The following SLC30A7 variants were observed in gnomAD, a reference collection of about 807,000 sequenced individuals.
SLC30A7 encodes the protein zinc transporter 7.
Under a neutral mutation model 46.0 loss-of-function variants are expected in SLC30A7, and 35 were observed. The ratio of observed to expected loss-of-function variants is 0.76; its 90% confidence interval spans 0.58 to 1.01. The LOEUF (loss-of-function observed/expected upper bound fraction) is 1.01. Ranked by LOEUF, SLC30A7 falls within the 50% of genes least tolerant of loss-of-function variation. The probability of loss-of-function intolerance (pLI) is 0.00; values close to 1 mark genes in which losing one functional copy is unlikely to be tolerated. For synonymous variants in SLC30A7, 147 were observed against 157.8 expected, an observed-to-expected ratio of 0.93 and a Z score of 0.51; for missense variants, 464 against 451.1, an observed-to-expected ratio of 1.03 and a Z score of -0.26.
intron 8 of SLC30A7, chr1:100,941,695 C>G: frequency 1.6e-6 from 1 of 643,516 alleles, no homozygotes; most frequent in East Asian, 3.3e-5. Context: ...TGAGACAGCT[C>G]TCTTTGGTTC....
At chr1:100,901,964 GT>G (rs372167662) in intron 2 of SLC30A7, among the ~76,000 whole-genome samples, 1 of 650 alleles carries the variant, frequency 1.5e-3, no homozygotes, top group African/African-American at 0.016. Flanking sequence ...GAAATTTATA[GT>G]TTAAATTTAT....
intron 8 of SLC30A7, among the ~76,000 whole-genome samples, chr1:100,922,294 C>T: frequency 6.6e-6 from 1 of 151,926 alleles, no homozygotes; most frequent in South Asian, 2.1e-4. Flanking sequence ...TATATGTTTT[C>T]TGTGTTTGCC....
chr1:100,979,513 C>T lies in SLC30A7; in HGVS notation c.*4656C>T, dbSNP rs977314906. ...TAAAGCCAAATGGATGTGAGTCTGA[C>T]AAGGGTGTCTTTGATTTATATTTCC... On this transcript the variant is annotated 3_prime_UTR_variant, in exon 11 of 11. Transcript: ENST00000357650. 2.0e-5 allele frequency: 3 copies of T among 149,442 alleles called. No homozygotes were observed. Among genetic ancestry groups the T allele is most frequent in the African/African-American group, 7.4e-5 (3 of 40,480 alleles). The allele number at this position is 149,442 out of a possible 1,614,324, so 9.3% of individuals were successfully genotyped here. A position where few individuals can be genotyped will look rare whatever the true frequency, so the allele number is the denominator to read the frequency against.
rs1652943945 is a variant in SLC30A7 at position 100,921,727 on chromosome 1, C to T, written c.728C>T (p.Ala243Val). ...ILQGVFLHILADTLGSIGVIA... is the reference protein window; with the variant it reads ...ILQGVFLHILVDTLGSIGVIA... ...CTAGGTGTATTTTTACATATCCTAG[C>T]AGATACACTTGGAAGTATTGGTGTA... The change falls in exon 8 of 11, where the codon GCA (alanine) becomes GTA (valine). Residue 243 changes from alanine (A) to valine (V), a missense_variant. Ala to Val is a moderately conservative substitution (Grantham distance 64). Transcript: ENST00000357650. The T allele has an allele frequency of 2.5e-6, 4 of 1,611,580 alleles. No homozygotes were observed. The highest frequency in any genetic ancestry group is 2.2e-5 in the East Asian group (1 of 44,766).
intron 8 of SLC30A7, among the ~76,000 whole-genome samples, chr1:100,954,601 A>T (rs1221620640): frequency 1.3e-5 from 2 of 152,088 alleles, no homozygotes; most frequent in African/African-American, 4.8e-5. Context: ...TTCTAGGGGT[A>T]CCTTAGGACA....
intron 7 of SLC30A7, among the ~76,000 whole-genome samples, chr1:100,919,432 G>A (rs926997487): frequency 6.6e-6 from 1 of 151,844 alleles, no homozygotes; most frequent in Non-Finnish European, 1.5e-5. Context: ...TATAACTCTC[G>A]TTTTTTATTT....
chr1:100,934,698 G>A (rs1326781662), intron 8 of SLC30A7, among the ~76,000 whole-genome samples: 1 of 150,300 alleles, frequency 6.7e-6, no homozygotes, highest in African/African-American at 2.4e-5. Context: ...ATATATAAAT[G>A]TATGTAGGAA....
chr1:100,976,426 A>C lies in SLC30A7; in HGVS notation c.*1569A>C, dbSNP rs938236065. On this transcript the variant is annotated 3_prime_UTR_variant, in exon 11 of 11. Transcript: ENST00000357650. ...AGAACTTTTCCTAACACAGGTATCTAGGAAGTAAGTGCTGAGTTGATTTTC... is the reference window on the plus strand; with the variant it reads ...AGAACTTTTCCTAACACAGGTATCTCGGAAGTAAGTGCTGAGTTGATTTTC... The C allele has an allele frequency of 6.6e-6, 1 of 152,246 alleles. No individual in the cohort carries two copies. The highest frequency in any genetic ancestry group is 1.5e-5 in the Non-Finnish European group (1 of 68,044). The allele number at this position is 152,246 out of a possible 1,614,324, so 9.4% of individuals were successfully genotyped here.
rs955679561 is a variant in SLC30A7, at chr1:100,977,171, C to G, written c.*2314C>G. On this transcript the variant is annotated 3_prime_UTR_variant, in exon 11 of 11. Coordinates refer to ENST00000357650, the MANE Select transcript of SLC30A7 (RefSeq NM_133496.5). Reference sequence around the variant, plus strand: ...TGTATAAATACTGATATTTCACATACGGAGATATTTGAAGACCCAAGTCTG... The same window carrying G: ...TGTATAAATACTGATATTTCACATAGGGAGATATTTGAAGACCCAAGTCTG... 6.6e-6 allele frequency: 1 copy of G among 151,870 alleles called. No homozygotes were observed. Among genetic ancestry groups the G allele is most frequent in the Non-Finnish European group, 1.5e-5 (1 of 67,980 alleles). The allele number at this position is 151,870 out of a possible 1,614,324, so 9.4% of individuals were successfully genotyped here.
intron 8 of SLC30A7, among the ~76,000 whole-genome samples, chr1:100,937,497 C>T (rs953352247): frequency 6.6e-6 from 1 of 152,006 alleles, no homozygotes; most frequent in African/African-American, 2.4e-5. Context: ...CTGTTTTTAT[C>T]TACCAGAAAA....
At chr1:100,968,050 A>C (rs1181838417) in intron 10 of SLC30A7, among the ~76,000 whole-genome samples, 1 of 152,222 alleles carries the variant, frequency 6.6e-6, no homozygotes, top group Non-Finnish European at 1.5e-5. Flanking sequence ...AAATAAAAAA[A>C]ATTACATATA....
chr1:100,945,604 T>C (rs1257277216), intron 8 of SLC30A7, among the ~76,000 whole-genome samples: 3 of 152,066 alleles, frequency 2.0e-5, no homozygotes, highest in African/African-American at 7.3e-5. Context: ...TGTAGATGTG[T>C]GGTATTATTT....
intron 8 of SLC30A7, among the ~76,000 whole-genome samples, chr1:100,923,508 T>A (rs900598709): frequency 2.0e-5 from 3 of 152,222 alleles, no homozygotes; most frequent in Non-Finnish European, 4.4e-5. Context: ...CTCAGCACAG[T>A]GCTTTACAAC....
intron 8 of SLC30A7, among the ~76,000 whole-genome samples, chr1:100,926,116 C>T (rs912294867): frequency 2.6e-5 from 4 of 152,228 alleles, no homozygotes; most frequent in Admixed American, 1.3e-4. Context: ...CTAGGTCCTA[C>T]TGACCTACTT....
At chr1:100,944,524 ACTT>A (rs1043590319) in intron 8 of SLC30A7, among the ~76,000 whole-genome samples, 2 of 151,876 alleles carry the variant, frequency 1.3e-5, no homozygotes, top group African/African-American at 4.8e-5. Context: ...ATTTTGTTAT[ACTT>A]TAAGTTCTAG....
intron 8 of SLC30A7, chr1:100,941,450 T>C (rs1284119888): frequency 9.2e-6 from 4 of 437,040 alleles, no homozygotes; most frequent in African/African-American, 6.1e-5. Context: ...AATTTCACAA[T>C]TGTGGCCATT....
At chr1:100,974,330 G>A (rs930483524) in intron 10 of SLC30A7, among the ~76,000 whole-genome samples, 1 of 152,126 alleles carries the variant, frequency 6.6e-6, no homozygotes, top group African/African-American at 2.4e-5. Flanking sequence ...GAAGATATTG[G>A]GGAGAATTTA....
intron 8 of SLC30A7, among the ~76,000 whole-genome samples, chr1:100,922,962 G>T (rs1406549192): frequency 6.6e-6 from 1 of 150,724 alleles, no homozygotes; most frequent in Non-Finnish European, 1.5e-5. Flanking sequence ...TCTGCTAGAG[G>T]CCAGACTCAA....
At chr1:100,941,886 TC>T in intron 8 of SLC30A7, 1 of 390,164 alleles carries the variant, frequency 2.6e-6, no homozygotes, top group Non-Finnish European at 4.8e-6. Context: ...TCCCCATTGC[TC>T]GGAATGGCTC....
Sources: allele counts gnomAD v4.1 joint callset (sites outside exome capture counted in the v4.1 genomes callset), GRCh38; gene constraint gnomAD v4.1.1; transcripts MANE v1.5; gene names NCBI Gene and HGNC (gene_info 2026-07-23, HGNC 2026-07-21).